SPINK4: variants seen among roughly 807,000 people sequenced by gnomAD.
SPINK4 encodes the protein serine peptidase inhibitor Kazal type 4, also known as serine protease inhibitor Kazal-type 4.
In SPINK4, 10 loss-of-function variants were observed where a neutral mutation model predicts 12.3. The observed-to-expected ratio is 0.81, with a 90% confidence interval of 0.50 to 1.37. The LOEUF is 1.37. Among genes scored for constraint, SPINK4 ranks in the 40% most tolerant of loss-of-function variants. The pLI is 0.00. For missense variants in SPINK4, 91 were observed against 109.0 expected (o/e 0.84, Z 0.73); for synonymous variants, 37 against 40.2 (o/e 0.92, Z 0.30).
intron 3 of SPINK4, 81 bp downstream of exon 3, chr9:33,246,809 G>A (rs1436551536): frequency 1.6e-6 from 2 of 1,235,106 alleles, no homozygotes; most frequent in African/African-American, 3.0e-5. Flanking sequence ...GACTTGACCT[G>A]CTTCTTCCTT....
At position 33,246,681 on chromosome 9, in the gene SPINK4, T is replaced by C. The variant is rs779365874; in HGVS notation, c.168T>C (p.Thr56=). The part of the protein sequence containing the change: ...CSQMSNLVCG[T]DGLTYTNECQ... ...AGATGTCCAACCTGGTCTGCGGCACTGATGGGCTCACATATACGAATGAAT... is the reference window on the plus strand; with the variant it reads ...AGATGTCCAACCTGGTCTGCGGCACCGATGGGCTCACATATACGAATGAAT... The change falls in exon 3 of 4, where the codon ACT becomes ACC. Residue 56 remains threonine, a synonymous_variant. Transcript: ENST00000379721. The C allele has an allele frequency of 6.2e-7, 1 of 1,614,092 alleles. No homozygotes were observed. Among genetic ancestry groups the C allele is most frequent in the East Asian group, 2.2e-5 (1 of 44,868 alleles).
chr9:33,243,014 T>A (rs1053351558), intron 1 of SPINK4, among the ~76,000 whole-genome samples: 1 of 152,080 alleles, frequency 6.6e-6, no homozygotes, highest in African/African-American at 2.4e-5. Context: ...TAGCTGGGAC[T>A]ACAGGTGCGT....
chr9:33,245,254 C>G (rs1820274152), intron 2 of SPINK4, 102 bp downstream of exon 2: 1 of 1,292,052 alleles, frequency 7.7e-7, no homozygotes, highest in African/African-American at 1.5e-5. Flanking sequence ...TGCTCAGACA[C>G]CTTCAATGGC....
In SPINK4 at chr9:33,243,022, C is replaced by T. The variant is rs541766950; in HGVS notation, c.62-2090C>T. Among the ~76,000 whole-genome samples the T allele has an allele frequency of 3.3e-5, 5 of 152,024 alleles. No individual in the cohort carries two copies. In the East Asian group the frequency reaches 5.8e-4, roughly 18 times the overall value. ...TCACAAGTAGCTGGGACTACAGGTG[C>T]GTGCCACCACACTCAGCTAATTTAA... is the stretch of plus-strand genomic sequence containing the variant. On this transcript the variant is annotated intron_variant, in intron 1 of 3. Transcript: ENST00000379721.
At chr9:33,244,096 C>A (rs1042703044) in intron 1 of SPINK4, among the ~76,000 whole-genome samples, 1 of 152,202 alleles carries the variant, frequency 6.6e-6, no homozygotes, top group African/African-American at 2.4e-5. Context: ...GAGCATCCTG[C>A]CCTTCTCTAA....
At chr9:33,246,833 C>A (rs957084401) in intron 3 of SPINK4, 105 bp downstream of exon 3, 2 of 938,688 alleles carry the variant, frequency 2.1e-6, no homozygotes, top group Non-Finnish European at 3.4e-6. Context: ...ACACGCTTGA[C>A]CTGAGAAGAG....
At chr9:33,244,293 A>T (rs1820265088) in intron 1 of SPINK4, among the ~76,000 whole-genome samples, 2 of 152,176 alleles carry the variant, frequency 1.3e-5, no homozygotes, top group Admixed American at 1.3e-4. Context: ...CGTGTGGGAA[A>T]ATCCTACCTC....
intron 1 of SPINK4, among the ~76,000 whole-genome samples, chr9:33,243,107 T>C (rs1172208257): frequency 6.6e-6 from 1 of 152,246 alleles, no homozygotes; most frequent in Non-Finnish European, 1.5e-5. Context: ...GGAGTTTTGC[T>C]CTGTCACCCA....
intron 3 of SPINK4, 42 bp from the exon 4 acceptor site, chr9:33,248,384 C>T (rs559893037): frequency 6.2e-7 from 1 of 1,610,368 alleles, no homozygotes. Context: ...TACACTACAG[C>T]TCCTGAGAAG....
chr9:33,243,088 T>G (rs145068967), intron 1 of SPINK4, among the ~76,000 whole-genome samples: 39 of 152,132 alleles, frequency 2.6e-4, no homozygotes, highest in African/African-American at 9.2e-4. Context: ...ATTTATTTAT[T>G]TTTGAGACGG....
At chr9:33,241,223 G>A (rs1448958953) in intron 1 of SPINK4, among the ~76,000 whole-genome samples, 1 of 152,128 alleles carries the variant, frequency 6.6e-6, no homozygotes, top group Admixed American at 6.5e-5. Flanking sequence ...GGCAGGAGGG[G>A]ACATTGTACG....
intron 3 of SPINK4, 120 bp downstream of exon 3, chr9:33,246,848 C>A (rs989877526): frequency 1.3e-5 from 10 of 754,548 alleles, no homozygotes; most frequent in Non-Finnish European, 2.0e-5. Context: ...GAAGAGTCCT[C>A]CAACATATGC....
At chr9:33,243,900 A>G (rs1280014791) in intron 1 of SPINK4, among the ~76,000 whole-genome samples, 1 of 152,130 alleles carries the variant, frequency 6.6e-6, no homozygotes, top group East Asian at 1.9e-4. Context: ...CAGTGATGGG[A>G]AACTCACTAC....
chr9:33,241,232 C>T (rs1820231607), intron 1 of SPINK4, among the ~76,000 whole-genome samples: 1 of 151,966 alleles, frequency 6.6e-6, no homozygotes, highest in Non-Finnish European at 1.5e-5. Flanking sequence ...GGACATTGTA[C>T]GGAGTGATAG....
At position 33,248,437 on chromosome 9, in the gene SPINK4, A is replaced by T; in HGVS notation, c.227A>T (p.Gln76Leu). ...TTCTTTGATCCTAGAAAAACCAAAC[A>T]GGACATCCAGATCATGAAAGATGGC... ...QLCLARIKTK[Q>L]DIQIMKDGKC Residue 76 changes from glutamine (Q) to leucine (L), a missense_variant, in exon 4 of 4, where the codon CAG becomes CTG. By Grantham distance (113) the Gln-to-Leu change is moderately radical. Transcript: ENST00000379721. 1.2e-6 allele frequency: 2 copies of T among 1,614,134 alleles called. No individual in the cohort carries two copies. Among genetic ancestry groups the T allele is most frequent in the Non-Finnish European group, 1.7e-6 (2 of 1,180,018 alleles).
Position 33,240,188 on chromosome 9 carries a change from C to G in SPINK4, c.-21C>G. 1 of 1,595,614 alleles carries G rather than the reference C, an allele frequency of 6.3e-7. No homozygotes were observed. ...AGGCGCAGGCCCCAGCCAGCTCAGG[C>G]TACACTATCCCAGGATCAGCATGGC... On this transcript the variant is annotated 5_prime_UTR_variant, in exon 1 of 4. Coordinates refer to ENST00000379721, the MANE Select transcript of SPINK4 (RefSeq NM_014471.3).
chr9:33,244,963 C>G, intron 1 of SPINK4, 149 bp from the exon 2 acceptor site: 1 of 658,142 alleles, frequency 1.5e-6, no homozygotes, highest in South Asian at 2.2e-5. Flanking sequence ...TCTGGCAGCC[C>G]CATTGTCTGG....
At chr9:33,245,674 T>C (rs987584332) in intron 2 of SPINK4, among the ~76,000 whole-genome samples, 4 of 152,228 alleles carry the variant, frequency 2.6e-5, no homozygotes, top group Non-Finnish European at 5.9e-5. Context: ...CTTGAGACTC[T>C]TGAGATTGCC....
intron 1 of SPINK4, 89 bp downstream of exon 1, chr9:33,240,358 G>T: frequency 8.2e-7 from 1 of 1,220,914 alleles, no homozygotes; most frequent in South Asian, 1.6e-5. Flanking sequence ...AGCACCCTGT[G>T]AGGCCTCAGC....
Sources: allele counts gnomAD v4.1 joint callset (sites outside exome capture counted in the v4.1 genomes callset), GRCh38; gene constraint gnomAD v4.1.1; transcripts MANE v1.5; gene names NCBI Gene and HGNC (gene_info 2026-07-23, HGNC 2026-07-21).